PPM1D: variants seen among roughly 807,000 people sequenced by gnomAD.
The protein encoded by PPM1D is protein phosphatase, Mg2+/Mn2+ dependent 1D.
Under a neutral mutation model 58.3 loss-of-function variants are expected in PPM1D, and 52 were observed. The ratio of observed to expected loss-of-function variants is 0.89; its 90% CI spans 0.71 to 1.12. The LOEUF (loss-of-function observed/expected upper bound fraction) is 1.12. PPM1D is among the 50% of genes most tolerant of loss of function. PPM1D has a pLI of 0.00. For synonymous variants in PPM1D, 278 were observed against 285.1 expected (o/e 0.98, Z 0.25); for missense variants, 564 against 777.2 (o/e 0.73, Z 3.26).
intron 1 of PPM1D, among the ~76,000 whole-genome samples, chr17:60,622,023 TA>T (rs994250437): frequency 6.6e-6 from 1 of 150,882 alleles, no homozygotes; most frequent in East Asian, 2.0e-4. Flanking sequence ...CCGTCTCTAC[TA>T]AAAAAATACA....
intron 3 of PPM1D, among the ~76,000 whole-genome samples, chr17:60,642,894 C>T (rs142483848): frequency 0.03 from 4,531 of 151,586 alleles, 91 homozygotes; most frequent in Middle Eastern, 0.051. Context: ...GTGAAACCCC[C>T]ATCTCTACTA....
chr17:60,613,696 C>A (rs2030509563), intron 1 of PPM1D, among the ~76,000 whole-genome samples: 1 of 152,230 alleles, frequency 6.6e-6, no homozygotes, highest in Admixed American at 6.5e-5. Flanking sequence ...CTCCGCAGGC[C>A]CTGCACTCGG....
intron 1 of PPM1D, among the ~76,000 whole-genome samples, chr17:60,606,183 C>T (rs1461376385): frequency 6.6e-6 from 1 of 152,134 alleles, no homozygotes; most frequent in Non-Finnish European, 1.5e-5. Context: ...ACTTATTTTA[C>T]TTAGCATGTC....
Position 60,600,756 on chromosome 17 carries a change from G to T in PPM1D, c.342G>T (p.Gln114His), listed in dbSNP as rs777169962. ...CDGHGGREAA[Q>H]FAREHLWGFI... The stretch of plus-strand genomic sequence containing the variant: ...GGCACGGCGGGCGGGAGGCGGCACA[G>T]TTTGCCCGGGAGCACTTGTGGGGTT... Residue 114 changes from glutamine to histidine, a missense_variant, in exon 1 of 6, where the codon CAG (glutamine) becomes CAT (histidine). Gln to His is a conservative substitution (Grantham distance 24). Around this residue, in one of 7 missense-constraint regions of PPM1D, gnomAD observed 23 missense variants for 28.9 expected, o/e 0.80. Coordinates refer to ENST00000305921, the MANE Select transcript of PPM1D (RefSeq NM_003620.4). 2.5e-6 allele frequency: 4 copies of T among 1,612,234 alleles called. No homozygotes were observed. The highest frequency in any genetic ancestry group is 3.4e-6 in the Non-Finnish European group (4 of 1,179,786).
At chr17:60,641,199 T>C (rs1222341311) in intron 3 of PPM1D, among the ~76,000 whole-genome samples, 1 of 152,208 alleles carries the variant, frequency 6.6e-6, no homozygotes, top group African/African-American at 2.4e-5. Flanking sequence ...GCTGAATTAA[T>C]TTATATTCCC....
At chr17:60,640,680 T>C (rs575672068) in intron 3 of PPM1D, among the ~76,000 whole-genome samples, 1 of 152,316 alleles carries the variant, frequency 6.6e-6, no homozygotes, top group Non-Finnish European at 1.5e-5. Context: ...TTTTCATGTC[T>C]TCCTCCTTCT....
Position 60,600,217 on chromosome 17 carries a change from T to G in PPM1D, c.-198T>G. 2.7e-6 allele frequency: 3 copies of G among 1,106,856 alleles called. No individual in the cohort carries two copies. The highest frequency in any genetic ancestry group is 3.7e-6 in the Non-Finnish European group (3 of 807,182). 68.6% of individuals were successfully genotyped at this position (1,106,856 alleles called of 1,614,324 possible). A position where few individuals can be genotyped will look rare whatever the true frequency, so the allele number is the denominator to read the frequency against. The stretch of plus-strand genomic sequence containing the variant: ...CAGTGCGCAGGCGCAACTGCCTGGC[T>G]CTGCTCGCTCCGGCGCTCCGGCCCA... On this transcript the variant is annotated 5_prime_UTR_variant, in exon 1 of 6. Transcript: ENST00000305921.
At chr17:60,621,726 A>G (rs1001668972) in intron 1 of PPM1D, among the ~76,000 whole-genome samples, 1 of 150,394 alleles carries the variant, frequency 6.6e-6, no homozygotes, top group Non-Finnish European at 1.5e-5. Context: ...GGCACCTGCC[A>G]CCACGCCCAG....
At chr17:60,604,960 A>AG (rs1317989423) in intron 1 of PPM1D, among the ~76,000 whole-genome samples, 1 of 152,182 alleles carries the variant, frequency 6.6e-6, no homozygotes. Flanking sequence ...CTGGGACTAC[A>AG]GGCATGTGCC....
At chr17:60,621,231 G>A (rs2030694467) in intron 1 of PPM1D, among the ~76,000 whole-genome samples, 1 of 152,138 alleles carries the variant, frequency 6.6e-6, no homozygotes, top group South Asian at 2.1e-4. Flanking sequence ...CCTGAGTTAT[G>A]CTTTCAATGT....
At chr17:60,608,661 T>TA (rs2030383811) in intron 1 of PPM1D, among the ~76,000 whole-genome samples, 1 of 152,184 alleles carries the variant, frequency 6.6e-6, no homozygotes, top group Non-Finnish European at 1.5e-5. Context: ...TGTGTCATAT[T>TA]ACATCTTTTT....
At chr17:60,655,196 C>T (rs1278859941) in intron 4 of PPM1D, among the ~76,000 whole-genome samples, 1 of 151,782 alleles carries the variant, frequency 6.6e-6, no homozygotes, top group African/African-American at 2.4e-5. Flanking sequence ...TGTTTATATT[C>T]TTTGACAATT....
intron 3 of PPM1D, among the ~76,000 whole-genome samples, chr17:60,647,223 G>A (rs573704204): frequency 6.6e-6 from 1 of 151,988 alleles, no homozygotes; most frequent in Admixed American, 6.6e-5. Flanking sequence ...AATCTGATTG[G>A]TTACTTCATT....
intron 3 of PPM1D, among the ~76,000 whole-genome samples, chr17:60,643,008 G>A (rs1214999452): frequency 4.7e-5 from 7 of 147,784 alleles, no homozygotes; most frequent in Non-Finnish European, 7.4e-5. Flanking sequence ...GCGAGATCAC[G>A]CCACTGCACT....
intron 1 of PPM1D, among the ~76,000 whole-genome samples, chr17:60,621,324 C>T (rs1359947292): frequency 2.0e-5 from 3 of 152,240 alleles, no homozygotes; most frequent in Non-Finnish European, 2.9e-5. Context: ...CATTCTTTTG[C>T]ATGTGGATAT....
chr17:60,654,574 G>T (rs2031400004), intron 4 of PPM1D, among the ~76,000 whole-genome samples: 1 of 151,362 alleles, frequency 6.6e-6, no homozygotes, highest in South Asian at 2.1e-4. Flanking sequence ...TTTAATACAT[G>T]CAGGCAGCCG....
At chr17:60,640,427 C>T (rs953818379) in intron 3 of PPM1D, among the ~76,000 whole-genome samples, 2 of 152,160 alleles carry the variant, frequency 1.3e-5, no homozygotes, top group South Asian at 2.1e-4. Context: ...TTAGCATACA[C>T]GTAACTTACC....
At chr17:60,651,401 G>T (rs1359070108) in intron 4 of PPM1D, among the ~76,000 whole-genome samples, 21 of 139,110 alleles carry the variant, frequency 1.5e-4, no homozygotes, top group African/African-American at 2.4e-4. Context: ...AGTGTTTTTG[G>T]TTTTTTTTTT....
Position 60,657,135 on chromosome 17 carries a change from A to G in PPM1D, c.1260+294A>G, listed in dbSNP as rs562638994. On this transcript the variant is annotated intron_variant, in intron 5 of 5. Transcript: ENST00000305921. ...TTAGAAGTTTGTGAAGCACTTAAAT[A>G]TATTTTATTTGAATCTCGTAGCCCA... 36 of 1,179,214 alleles carry G rather than the reference A, an allele frequency of 3.1e-5. No homozygotes were observed. The East Asian group carries it at 4.9e-4, about 16-fold the overall frequency. 73.0% of individuals were successfully genotyped at this position (1,179,214 alleles called of 1,614,324 possible). A position where few individuals can be genotyped will look rare whatever the true frequency, so the allele number is the denominator to read the frequency against.
Sources: gnomAD v4.1 joint callset for allele counts (sites outside exome capture counted in the v4.1 genomes callset) on GRCh38, gnomAD v4.1.1 for gene constraint, gnomAD v4.1.1 regional missense constraint, MANE v1.5 for transcripts, NCBI Gene and HGNC (gene_info 2026-07-23, HGNC 2026-07-21) for gene names.